Variants in CNIH3 observed in about 807,000 individuals in gnomAD.
The protein encoded by CNIH3 is protein cornichon homolog 3.
CNIH3 carries 14 observed loss-of-function variants against 24.1 expected under a neutral mutation model. The observed-to-expected ratio is 0.58, with a 90% CI of 0.38 to 0.91. The LOEUF is 0.91. CNIH3 is among the 40% of genes least tolerant of loss of function. The pLI is 0.00. For synonymous variants in CNIH3, 68 were observed against 73.8 expected, an observed-to-expected ratio of 0.92 and a Z score of 0.40; for missense variants, 178 against 196.8, an observed-to-expected ratio of 0.90 and a Z score of 0.57.
intron 1 of CNIH3, among the ~76,000 whole-genome samples, chr1:224,520,742 C>T (rs12093242): frequency 0.22 from 34,072 of 152,052 alleles, 4,168 homozygotes; most frequent in African/African-American, 0.33. Context: ...GGAAGGATGG[C>T]TGACTGAACT....
chr1:224,472,035 A>C (rs1230527988), intron 1 of CNIH3, among the ~76,000 whole-genome samples: 1 of 152,186 alleles, frequency 6.6e-6, no homozygotes, highest in Non-Finnish European at 1.5e-5. Context: ...GGAAGTGCAG[A>C]TATCTCTTCG....
At chr1:224,521,991 C>T (rs550223603) in intron 2 of CNIH3, among the ~76,000 whole-genome samples, 2 of 152,272 alleles carry the variant, frequency 1.3e-5, no homozygotes, top group South Asian at 2.1e-4. Context: ...ATAAAGTTCT[C>T]CTATCCCTGG....
intron 2 of CNIH3, among the ~76,000 whole-genome samples, chr1:224,535,261 C>T (rs1202795355): frequency 6.6e-6 from 1 of 152,040 alleles, no homozygotes; most frequent in African/African-American, 2.4e-5. Flanking sequence ...GAACTCCATG[C>T]CGTGACAGAG....
At chr1:224,718,874 C>G (rs1275600868) in intron 3 of CNIH3, 2 of 152,272 alleles carry the variant, frequency 1.3e-5, no homozygotes. Flanking sequence ...TGCCAGGTCG[C>G]GTGTCTGCTC....
intron 1 of CNIH3, among the ~76,000 whole-genome samples, chr1:224,505,273 G>A (rs1490395288): frequency 2.0e-5 from 3 of 149,912 alleles, no homozygotes; most frequent in Non-Finnish European, 3.0e-5. Context: ...CACTGTAGCC[G>A]GGGTGACAAA....
intron 1 of CNIH3, among the ~76,000 whole-genome samples, chr1:224,457,273 C>CTG (rs1243399447): frequency 1.1e-3 from 32 of 28,086 alleles, no homozygotes; most frequent in African/African-American, 4.0e-3. Flanking sequence ...TCCTCTCTCT[C>CTG]TCTGTGTGTG....
In CNIH3 at chr1:224,730,360, C is replaced by A. The variant is rs1334851723; in HGVS notation, c.199-102C>A. ...GCTGCAGGGAGGGCCTTTGTGTCAA[C>A]CGTCTGTGAGAGGCAGTGTCCAGGC... On this transcript the variant is annotated intron_variant, in intron 3 of 5. Transcript: ENST00000272133. The A allele has an allele frequency of 5.6e-6, 4 of 714,570 alleles. No homozygotes were observed. The East Asian group carries it at 1.1e-4, about 19-fold the overall frequency. The allele number at this position is 714,570 out of a possible 1,614,324, so 44.3% of individuals were successfully genotyped here.
intron 1 of CNIH3, among the ~76,000 whole-genome samples, chr1:224,643,349 T>G (rs1274291542): frequency 6.6e-6 from 1 of 152,214 alleles, no homozygotes; most frequent in African/African-American, 2.4e-5. Context: ...CTTTTGGACA[T>G]CGGTTCCAGT....
chr1:224,733,050 AGT>A (rs1689419876), intron 4 of CNIH3, among the ~76,000 whole-genome samples: 1 of 152,102 alleles, frequency 6.6e-6, no homozygotes, highest in South Asian at 2.1e-4. Context: ...GGTCCAGACC[AGT>A]GACATTTCAC....
chr1:224,584,975 T>C (rs925772688), intron 5 of CNIH3, among the ~76,000 whole-genome samples: 4 of 152,206 alleles, frequency 2.6e-5, no homozygotes, highest in Admixed American at 2.6e-4. Context: ...CAATAATCTG[T>C]TAGAGACCAA....
chr1:224,633,761 G>A (rs1440664704), intron 1 of CNIH3, among the ~76,000 whole-genome samples: 1 of 152,214 alleles, frequency 6.6e-6, no homozygotes, highest in African/African-American at 2.4e-5. Flanking sequence ...ACTGCACTCA[G>A]TGGGAGAATT....
intron 1 of CNIH3, among the ~76,000 whole-genome samples, chr1:224,471,848 C>T (rs2102998002): frequency 6.6e-6 from 1 of 152,268 alleles, no homozygotes; most frequent in East Asian, 1.9e-4. Context: ...CCTCGGCCTC[C>T]CAAAGTGCTG....
chr1:224,469,991 GGCA>G (rs1676302015), intron 1 of CNIH3, among the ~76,000 whole-genome samples: 1 of 151,476 alleles, frequency 6.6e-6, no homozygotes, highest in South Asian at 2.1e-4. Flanking sequence ...ATTTAAACTT[GGCA>G]GTTCTTTCTT....
chr1:224,479,352 C>T (rs1439456015), intron 1 of CNIH3, among the ~76,000 whole-genome samples: 6 of 152,194 alleles, frequency 3.9e-5, no homozygotes, highest in African/African-American at 1.4e-4. Context: ...CGGAGTTTCT[C>T]CACGTTGGTC....
chr1:224,467,226 C>T (rs1676184638), intron 1 of CNIH3, among the ~76,000 whole-genome samples: 1 of 152,068 alleles, frequency 6.6e-6, no homozygotes, highest in African/African-American at 2.4e-5. Flanking sequence ...ATTTCTTGAA[C>T]TGCTGGAAAT....
chr1:224,619,097 G>GAGGGTGTCAGGTACC, intron 1 of CNIH3, among the ~76,000 whole-genome samples: 1 of 152,220 alleles, frequency 6.6e-6, no homozygotes, highest in Non-Finnish European at 1.5e-5. Context: ...GCCTTGGCCA[G>GAGGGTGTCAGGTACC]AGGGTGTCAG....
At chr1:224,736,769 G>A (rs1689612582) in intron 5 of CNIH3, among the ~76,000 whole-genome samples, 1 of 152,200 alleles carries the variant, frequency 6.6e-6, no homozygotes, top group African/African-American at 2.4e-5. Context: ...TGCCCAGTGG[G>A]TTCACCTAAG....
intron 5 of CNIH3, among the ~76,000 whole-genome samples, chr1:224,584,468 C>A (rs532003143): frequency 9.2e-5 from 14 of 152,092 alleles, no homozygotes; most frequent in Non-Finnish European, 1.9e-4. Context: ...TATCACAAAC[C>A]CTTTATGCCG....
intron 1 of CNIH3, among the ~76,000 whole-genome samples, chr1:224,444,043 T>C (rs1392881558): frequency 2.6e-5 from 4 of 152,198 alleles, no homozygotes; most frequent in African/African-American, 9.7e-5. Context: ...GGTGTAGCAA[T>C]TCCCATGTCC....
Sources: allele counts gnomAD v4.1 joint callset (sites outside exome capture counted in the v4.1 genomes callset), GRCh38; gene constraint gnomAD v4.1.1; transcripts MANE v1.5; gene names NCBI Gene and HGNC (gene_info 2026-07-23, HGNC 2026-07-21).